Variants in KLHDC4 observed in about 807,000 individuals in gnomAD.
The protein encoded by KLHDC4 is kelch domain containing 4, also known as kelch domain-containing protein 4.
Under a neutral mutation model 62.4 loss-of-function variants are expected in KLHDC4, and 90 were observed. The observed-to-expected ratio is 1.44, with a 90% confidence interval of 1.22 to 1.72. The LOEUF (loss-of-function observed/expected upper bound fraction) is 1.72. KLHDC4 is among the 40% of genes most tolerant of loss of function. The pLI is 0.00. For missense variants in KLHDC4, 1,025 were observed against 699.7 expected (o/e 1.47, Z -5.25); for synonymous variants, 386 against 284.4 (o/e 1.36, Z -3.59).
exon 1 of KLHDC4, chr16:87,699,219 G>T (rs1055531843): frequency 6.6e-6 from 1 of 152,262 alleles, no homozygotes; most frequent in Non-Finnish European, 1.5e-5. Flanking sequence ...CACACTGGAT[G>T]GACTGGTGCT....
intron 7 of KLHDC4, among the ~76,000 whole-genome samples, chr16:87,717,617 A>C (rs553481981): frequency 5.0e-4 from 76 of 152,368 alleles, no homozygotes; most frequent in African/African-American, 1.7e-3. Context: ...ACAGTGATTG[A>C]GACTAGTCTC....
chr16:87,727,011 A>G, intron 6 of KLHDC4, 87 bp from the exon 7 acceptor site: 5 of 1,417,786 alleles, frequency 3.5e-6, no homozygotes, highest in African/African-American at 1.4e-5. Context: ...ATTAAAGGTA[A>G]ATTTCCTACT....
chr16:87,756,377 A>C, intron 3 of KLHDC4, 22 bp downstream of exon 3: 1 of 1,568,574 alleles, frequency 6.4e-7, no homozygotes, highest in Non-Finnish European at 8.8e-7. Flanking sequence ...ATGGGAAGAA[A>C]AGAAAAAAAT....
At chr16:87,729,353 C>T (rs1282373848) in intron 6 of KLHDC4, 4 of 152,166 alleles carry the variant, frequency 2.6e-5, no homozygotes, top group Non-Finnish European at 4.4e-5. Flanking sequence ...CAATCAATTG[C>T]CATGCTGGTT....
chr16:87,747,129 G>A (rs1161104912), intron 5 of KLHDC4, among the ~76,000 whole-genome samples: 1 of 152,212 alleles, frequency 6.6e-6, no homozygotes, highest in African/African-American at 2.4e-5. Context: ...AAGCCTGAAG[G>A]CACGAGAGAG....
chr16:87,746,861 T>C (rs146755439), intron 5 of KLHDC4, among the ~76,000 whole-genome samples: 40 of 152,312 alleles, frequency 2.6e-4, no homozygotes, highest in African/African-American at 9.1e-4. Context: ...CCTGTTTTAA[T>C]TACCATTAGC....
At chr16:87,751,656 T>C (rs1323486814) in intron 4 of KLHDC4, among the ~76,000 whole-genome samples, 2 of 152,058 alleles carry the variant, frequency 1.3e-5, no homozygotes, top group African/African-American at 2.4e-5. Context: ...CAGTGGCTCA[T>C]GCCTGTAACC....
At chr16:87,718,873 C>T (rs1476624170) in intron 7 of KLHDC4, among the ~76,000 whole-genome samples, 2 of 151,380 alleles carry the variant, frequency 1.3e-5, no homozygotes, top group East Asian at 2.0e-4. Flanking sequence ...TCTGTCCGGC[C>T]GCGACCCCGT....
At position 87,709,329 on chromosome 16, in the gene KLHDC4, G is replaced by C; in HGVS notation, c.1383C>G (p.Ser461Arg). The change falls in exon 10 of 12, where the codon AGC becomes AGG. Residue 461 changes from serine (S) to arginine (R), a missense_variant. By Grantham distance (110) the Ser-to-Arg change is moderately radical (BLOSUM62 -1). Coordinates refer to ENST00000270583, the MANE Select transcript of KLHDC4 (RefSeq NM_017566.4). ...TGTGCAGGTCCAGGCAGTGCAGGTC[G>C]CTGAGGGTGACCTGGCGGTCGCCGG... ...FEAGDRQVTL[S>R]DLHCLDLHRM... 1 of 1,613,312 alleles carries C rather than the reference G, an allele frequency of 6.2e-7. No homozygotes were observed. Among genetic ancestry groups the C allele is most frequent in the Non-Finnish European group, 8.5e-7 (1 of 1,179,940 alleles).
intron 6 of KLHDC4, 110 bp downstream of exon 6, chr16:87,730,442 G>C: frequency 1.1e-6 from 1 of 921,452 alleles, no homozygotes; most frequent in Non-Finnish European, 1.6e-6. Context: ...CATGAAGCTG[G>C]ATTTGGGAGG....
chr16:87,744,256 A>C (rs973829046), intron 5 of KLHDC4, among the ~76,000 whole-genome samples: 1 of 152,128 alleles, frequency 6.6e-6, no homozygotes, highest in African/African-American at 2.4e-5. Context: ...TCTCTACTAA[A>C]AGTACAAAAT....
chr16:87,753,646 A>C, intron 4 of KLHDC4, among the ~76,000 whole-genome samples: 1 of 150,892 alleles, frequency 6.6e-6, no homozygotes, highest in Non-Finnish European at 1.5e-5. Context: ...CTGAAAATAC[A>C]AAAAATTACC....
chr16:87,727,054 C>A, intron 6 of KLHDC4, 130 bp from the exon 7 acceptor site: 2 of 918,680 alleles, frequency 2.2e-6, no homozygotes, highest in Non-Finnish European at 1.6e-6. Flanking sequence ...TTTTTCTCCT[C>A]TGCTCTTACA....
At position 87,709,657 on chromosome 16, in the gene KLHDC4, G is replaced by C. The variant is rs1212057491; in HGVS notation, c.1055C>G (p.Ser352Cys). Reference protein sequence around the residue: ...WFEGQLKGPKSEKKKRRRGRK... With the variant: ...WFEGQLKGPKCEKKKRRRGRK... ...GCCCCGCCTGCGTTTCTTCTTTTCA[G>C]ACTTGGGTCCCTATTAATAGACCGA... is the stretch of plus-strand genomic sequence containing the variant. The change falls in exon 10 of 12, where the codon TCT becomes TGT. Residue 352 changes from serine to cysteine, a missense_variant. By Grantham distance (112) the Ser-to-Cys change is moderately radical (BLOSUM62 -1). Transcript: ENST00000270583. 1.9e-6 allele frequency: 3 copies of C among 1,599,044 alleles called. No individual in the cohort carries two copies. Among genetic ancestry groups the C allele is most frequent in the Non-Finnish European group, 2.6e-6 (3 of 1,172,450 alleles).
intron 9 of KLHDC4, 23 bp from the exon 10 acceptor site, chr16:87,709,690 G>A (rs1368647886): frequency 6.4e-7 from 1 of 1,552,602 alleles, no homozygotes; most frequent in South Asian, 1.2e-5. Context: ...CGAGGAAGCA[G>A]AGAGCAGCAG....
intron 7 of KLHDC4, among the ~76,000 whole-genome samples, chr16:87,715,560 C>T (rs2036790002): frequency 6.6e-6 from 1 of 152,194 alleles, no homozygotes; most frequent in South Asian, 2.1e-4. Flanking sequence ...CTCCGACTCT[C>T]CTTGTCTCTG....
At position 87,765,756 on chromosome 16, in the gene KLHDC4, G is replaced by C. The variant is rs778635018; in HGVS notation, c.99+36C>G. 3.3e-5 allele frequency: 51 copies of C among 1,541,928 alleles called. No homozygotes were observed. In the East Asian group the frequency reaches 1.2e-3, roughly 36 times the overall value. On this transcript the variant is annotated intron_variant, in intron 1 of 11. Coordinates refer to ENST00000270583, the MANE Select transcript of KLHDC4 (RefSeq NM_017566.4). ...GAGTCGGCCGAGGCTGCACGGCCGC[G>C]ACGTCGGGCCGCTAAGCCCGGTCTG...
intron 5 of KLHDC4, among the ~76,000 whole-genome samples, chr16:87,740,290 G>A (rs917053189): frequency 6.6e-6 from 1 of 152,212 alleles, no homozygotes; most frequent in South Asian, 2.1e-4. Flanking sequence ...CACCCGACAT[G>A]TGTGCATCCC....
chr16:87,704,449 GAGGGT>G (rs2034420795), downstream of KLHDC4, among the ~76,000 whole-genome samples: 1 of 101,226 alleles, frequency 9.9e-6, no homozygotes, highest in Admixed American at 9.4e-5. Flanking sequence ...GGCGCCTGGG[GAGGGT>G]CCTGAACATG....
Sources: allele counts gnomAD v4.1 joint callset (sites outside exome capture counted in the v4.1 genomes callset), GRCh38; gene constraint gnomAD v4.1.1; transcripts MANE v1.5; gene names NCBI Gene and HGNC (gene_info 2026-07-23, HGNC 2026-07-21).